Variants in QPCT observed in about 807,000 individuals in gnomAD.
QPCT encodes the protein EC.
In QPCT, 44 loss-of-function variants were observed where a neutral mutation model predicts 43.4. The observed-to-expected ratio is 1.01, with a 90% CI of 0.80 to 1.30. The LOEUF (loss-of-function observed/expected upper bound fraction) is 1.30, where lower values mean the gene tolerates loss of function less well. QPCT is among the 50% of genes most tolerant of loss of function. QPCT has a pLI of 0.00. For missense variants in QPCT, 526 were observed against 436.5 expected, an observed-to-expected ratio of 1.21 and a Z score of -1.83; for synonymous variants, 168 against 168.4, an observed-to-expected ratio of 1.00 and a Z score of 0.02.
Position 37,352,857 on chromosome 2 carries a change from T to C in QPCT, c.189T>C (p.Ser63=), listed in dbSNP as rs1558601647. ...LRQIAEGTSI[S]EMWQNDLQPL... ...AAATTGCAGAAGGCACCAGTATCTC[T>C]GAAATGTGGCAAAATGACTTACAGC... is the stretch of plus-strand genomic sequence containing the variant. Residue 63 remains serine (S), a synonymous_variant, in exon 2 of 7, where the codon TCT becomes TCC. Coordinates refer to ENST00000338415, the MANE Select transcript of QPCT (RefSeq NM_012413.4). The C allele has an allele frequency of 6.2e-7, 1 of 1,614,196 alleles. No homozygotes were observed. Among genetic ancestry groups the C allele is most frequent in the Non-Finnish European group, 8.5e-7 (1 of 1,180,024 alleles).
chr2:37,359,541 T>C (rs772652223), intron 2 of QPCT, 39 bp from the exon 3 acceptor site: 15 of 1,561,678 alleles, frequency 9.6e-6, no homozygotes, highest in Non-Finnish European at 1.2e-5. Context: ...GAAAGCCATT[T>C]CTTTAGATCT....
intron 1 of QPCT, among the ~76,000 whole-genome samples, chr2:37,350,257 G>T (rs545960722): frequency 2.0e-5 from 3 of 152,162 alleles, no homozygotes; most frequent in African/African-American, 7.2e-5. Flanking sequence ...CAAGGGTGAG[G>T]GGGGAGACCA....
chr2:37,362,461 C>G (rs1672872896), intron 3 of QPCT, among the ~76,000 whole-genome samples: 1 of 152,182 alleles, frequency 6.6e-6, no homozygotes, highest in African/African-American at 2.4e-5. Flanking sequence ...ATGGAGGATT[C>G]AAATCAAATT....
At position 37,369,739 on chromosome 2, in the gene QPCT, T is replaced by G. The variant is rs966395275; in HGVS notation, c.778T>G (p.Phe260Val). The change falls in exon 5 of 7, where the codon TTT becomes GTT. Residue 260 changes from phenylalanine to valine, a missense_variant. Phe to Val is a conservative substitution (Grantham distance 50). Transcript: ENST00000338415. ...AGCTCCAAACCCAACGTTTCCCAAT[T>G]TTTTTCCAAACTCAGCCAGGTGGTT... The part of the protein sequence containing the change: ...IGAPNPTFPN[F>V]FPNSARWFER... 1.2e-6 allele frequency: 2 copies of G among 1,609,562 alleles called. No individual in the cohort carries two copies. The highest frequency in any genetic ancestry group is 1.3e-5 in the African/African-American group (1 of 74,808).
intron 5 of QPCT, among the ~76,000 whole-genome samples, chr2:37,371,010 T>G (rs1387218257): frequency 6.6e-6 from 1 of 152,198 alleles, no homozygotes; most frequent in Non-Finnish European, 1.5e-5. Context: ...GGAAAAACAC[T>G]GCCATCATAA....
At chr2:37,355,299 C>A (rs1173539269) in intron 2 of QPCT, among the ~76,000 whole-genome samples, 3 of 152,084 alleles carry the variant, frequency 2.0e-5, no homozygotes, top group Admixed American at 2.0e-4. Context: ...AGGTACATGA[C>A]AGAGTAATTA....
At chr2:37,358,758 G>C (rs1173438066) in intron 2 of QPCT, 1 of 152,166 alleles carries the variant, frequency 6.6e-6, no homozygotes, top group Non-Finnish European at 1.5e-5. Flanking sequence ...ACCTGCCTTG[G>C]GTGCAGAGGG....
intron 1 of QPCT, among the ~76,000 whole-genome samples, chr2:37,349,030 T>C (rs1007221946): frequency 2.6e-5 from 4 of 152,198 alleles, no homozygotes; most frequent in Admixed American, 6.5e-5. Flanking sequence ...CCCTCAAACA[T>C]TGAATGCATG....
In QPCT at chr2:37,372,666, G is replaced by A; in HGVS notation, c.941-16G>A. 6.2e-7 allele frequency: 1 copy of A among 1,608,940 alleles called. No individual in the cohort carries two copies. Among genetic ancestry groups the A allele is most frequent in the Non-Finnish European group, 8.5e-7 (1 of 1,177,382 alleles). ...GGAGTAATGCACATTGTTACAAGTT[G>A]GTTCTTTCTTAATAGGTGTTCCAGT... is the stretch of plus-strand genomic sequence containing the variant. On this transcript the variant is annotated splice_polypyrimidine_tract_variant and intron_variant, in intron 6 of 6. Transcript: ENST00000338415.
At chr2:37,360,046 A>T (rs1049562818) in intron 3 of QPCT, 188 bp downstream of exon 3, 6 of 630,398 alleles carry the variant, frequency 9.5e-6, no homozygotes, top group African/African-American at 9.2e-5. Flanking sequence ...AACCTAAGAT[A>T]CGTGACAATG....
chr2:37,347,264 T>C (rs1208163190), intron 1 of QPCT, among the ~76,000 whole-genome samples: 1 of 117,964 alleles, frequency 8.5e-6, no homozygotes, highest in Non-Finnish European at 1.6e-5. Flanking sequence ...TATATATACA[T>C]CCACCTCACT....
At chr2:37,349,833 A>AG (rs1297233704) in intron 1 of QPCT, among the ~76,000 whole-genome samples, 1 of 151,526 alleles carries the variant, frequency 6.6e-6, no homozygotes, top group Non-Finnish European at 1.5e-5. Context: ...AGTGGCAGAA[A>AG]AATGCCCATG....
At chr2:37,365,567 A>G (rs770149443) in intron 3 of QPCT, among the ~76,000 whole-genome samples, 120 of 152,384 alleles carry the variant, frequency 7.9e-4, no homozygotes, top group Non-Finnish European at 2.8e-4. Context: ...TAGTGAGGTC[A>G]AATATTTTAA....
At chr2:37,350,107 T>C (rs1248235282) in intron 1 of QPCT, among the ~76,000 whole-genome samples, 1 of 151,918 alleles carries the variant, frequency 6.6e-6, no homozygotes, top group Non-Finnish European at 1.5e-5. Flanking sequence ...CAAGCTGAAG[T>C]GAGCAGGAGT....
At chr2:37,348,556 C>T (rs1375815074) in intron 1 of QPCT, among the ~76,000 whole-genome samples, 1 of 152,214 alleles carries the variant, frequency 6.6e-6, no homozygotes, top group East Asian at 1.9e-4. Flanking sequence ...GCATTGGCTG[C>T]ATTTCTGTAA....
intron 4 of QPCT, among the ~76,000 whole-genome samples, chr2:37,369,014 A>G (rs1673021606): frequency 6.6e-6 from 1 of 152,152 alleles, no homozygotes; most frequent in Non-Finnish European, 1.5e-5. Flanking sequence ...ATGTGTTAGG[A>G]TGTATGCTAA....
intron 1 of QPCT, among the ~76,000 whole-genome samples, 156 bp from the exon 2 acceptor site, chr2:37,352,633 T>C (rs950705976): frequency 6.6e-6 from 1 of 152,196 alleles, no homozygotes; most frequent in African/African-American, 2.4e-5. Context: ...TGCCCAGCCC[T>C]AACAGCCCAA....
chr2:37,348,373 A>C (rs1029016435), intron 1 of QPCT, among the ~76,000 whole-genome samples: 1 of 152,202 alleles, frequency 6.6e-6, no homozygotes, highest in South Asian at 2.1e-4. Context: ...TAGAAAAGAC[A>C]GATGTTGTCT....
Position 37,359,843 on chromosome 2 carries a change from A to G in QPCT, c.531A>G (p.Lys177=). The G allele has an allele frequency of 1.2e-6, 2 of 1,613,930 alleles. No individual in the cohort carries two copies. Among genetic ancestry groups the G allele is most frequent in the Non-Finnish European group, 1.7e-6 (2 of 1,179,912 alleles). ...MLELARALDK[K]LLSLKTVSDS... is the part of the protein sequence containing the mutation. ...AACTTGCTCGTGCCTTAGACAAGAA[A>G]CTCCTTTCCTTAAAGGTATCTGTTT... is the stretch of plus-strand genomic sequence containing the variant. Residue 177 remains lysine (K), a synonymous_variant, in exon 3 of 7, where the codon AAA becomes AAG. Coordinates refer to ENST00000338415, the MANE Select transcript of QPCT (RefSeq NM_012413.4).
Sources: allele counts gnomAD v4.1 joint callset (sites outside exome capture counted in the v4.1 genomes callset), GRCh38; gene constraint gnomAD v4.1.1; transcripts MANE v1.5; gene names NCBI Gene and HGNC (gene_info 2026-07-23, HGNC 2026-07-21).